Variants in ASIC2 observed in about 807,000 individuals in gnomAD.
The protein encoded by ASIC2 is acid sensing ion channel subunit 2.
A neutral mutation model predicts 57.3 loss-of-function variants in ASIC2; 25 were observed. The ratio of observed to expected loss-of-function variants is 0.44; its 90% CI spans 0.32 to 0.61. ASIC2 has a LOEUF of 0.61. Ranked by LOEUF, ASIC2 falls within the 20% of genes least tolerant of loss-of-function variation. ASIC2 has a pLI of 0.06. For missense variants in ASIC2, 641 were observed against 738.1 expected (o/e 0.87, Z 1.52); for synonymous variants, 319 against 307.5 (o/e 1.04, Z -0.39).
intron 3 of ASIC2, among the ~76,000 whole-genome samples, chr17:33,035,589 C>T (rs902791976): frequency 6.6e-6 from 1 of 152,188 alleles, no homozygotes; most frequent in Non-Finnish European, 1.5e-5. Flanking sequence ...GGTTTAGCCC[C>T]TGGTCTTGGG....
At chr17:33,125,091 C>T (rs1368115647) in intron 1 of ASIC2, among the ~76,000 whole-genome samples, 1 of 152,214 alleles carries the variant, frequency 6.6e-6, no homozygotes, top group Non-Finnish European at 1.5e-5. Flanking sequence ...CCGCTGACCT[C>T]CTGCTCTGTG....
intron 1 of ASIC2, among the ~76,000 whole-genome samples, chr17:33,268,733 C>G (rs1909574942): frequency 6.6e-6 from 1 of 152,152 alleles, no homozygotes; most frequent in South Asian, 2.1e-4. Context: ...AGACATCTGC[C>G]TCATTTCCCC....
chr17:33,709,433 C>G (rs1230704857), intron 1 of ASIC2, among the ~76,000 whole-genome samples: 1 of 152,182 alleles, frequency 6.6e-6, no homozygotes, highest in Admixed American at 6.5e-5. Flanking sequence ...TCACAGGTGG[C>G]CTTTCTAAGA....
At chr17:33,618,500 C>T (rs546331022) in intron 1 of ASIC2, among the ~76,000 whole-genome samples, 4 of 152,282 alleles carry the variant, frequency 2.6e-5, no homozygotes, top group Non-Finnish European at 5.9e-5. Context: ...GGAAAGAAAT[C>T]AATAATTACA....
At chr17:33,533,942 G>C (rs1915141799) in intron 1 of ASIC2, among the ~76,000 whole-genome samples, 1 of 152,138 alleles carries the variant, frequency 6.6e-6, no homozygotes, top group Non-Finnish European at 1.5e-5. Context: ...TAAACCAGCT[G>C]TTCCCCAAAA....
At chr17:34,109,950 G>A (rs1315786015) in intron 1 of ASIC2, among the ~76,000 whole-genome samples, 1 of 152,030 alleles carries the variant, frequency 6.6e-6, no homozygotes, top group Admixed American at 6.5e-5. Flanking sequence ...GTGTTTGTGT[G>A]TGTGTGAGAG....
At chr17:33,384,934 C>A (rs1314178807) in intron 1 of ASIC2, among the ~76,000 whole-genome samples, 2 of 152,164 alleles carry the variant, frequency 1.3e-5, no homozygotes, top group Admixed American at 1.3e-4. Flanking sequence ...TGAAGCCCAT[C>A]CCCCATAATG....
chr17:33,631,322 ATTTTTTT>A (rs113222295), intron 1 of ASIC2, among the ~76,000 whole-genome samples: 1 of 134,526 alleles, frequency 7.4e-6, no homozygotes, highest in Non-Finnish European at 1.6e-5. Context: ...GCTTTTAGTG[ATTTTTTT>A]TTTTTTTTTT....
chr17:33,970,121 T>G (rs1905186257), intron 1 of ASIC2, among the ~76,000 whole-genome samples: 1 of 152,170 alleles, frequency 6.6e-6, no homozygotes. Context: ...TTCTTTGTTG[T>G]AGGGAGCTGC....
At chr17:33,476,813 G>A (rs1012301080) in intron 1 of ASIC2, among the ~76,000 whole-genome samples, 3 of 151,960 alleles carry the variant, frequency 2.0e-5, no homozygotes, top group Non-Finnish European at 2.9e-5. Flanking sequence ...TAAGAGATGC[G>A]ACCTCTCATG....
chr17:33,331,308 A>G (rs985178723), intron 1 of ASIC2, among the ~76,000 whole-genome samples: 23 of 152,160 alleles, frequency 1.5e-4, no homozygotes, highest in Admixed American at 1.3e-3. Flanking sequence ...GGACAACACT[A>G]CTAAAGTAGA....
chr17:33,277,921 T>C (rs1265442023), intron 1 of ASIC2, among the ~76,000 whole-genome samples: 1 of 152,198 alleles, frequency 6.6e-6, no homozygotes, highest in Non-Finnish European at 1.5e-5. Context: ...GGCAGCCACA[T>C]CTTGGAAGGA....
At chr17:33,579,601 C>CGGGA (rs1014677483) in intron 1 of ASIC2, among the ~76,000 whole-genome samples, 30 of 151,764 alleles carry the variant, frequency 2.0e-4, no homozygotes, top group African/African-American at 6.8e-4. Context: ...GATGGTGTGT[C>CGGGA]GGGAGTTTGT....
At chr17:33,131,594 G>A (rs1021196043) in intron 1 of ASIC2, 1 of 152,272 alleles carries the variant, frequency 6.6e-6, no homozygotes, top group Non-Finnish European at 1.5e-5. Flanking sequence ...CACCAAGGGT[G>A]TCTAACAGCT....
intron 1 of ASIC2, among the ~76,000 whole-genome samples, chr17:33,599,303 C>T (rs1905066992): frequency 6.6e-6 from 1 of 152,094 alleles, no homozygotes; most frequent in African/African-American, 2.4e-5. Context: ...AACACACAAC[C>T]CTGAAGGTTG....
At chr17:33,565,131 G>A (rs1401184636) in intron 1 of ASIC2, among the ~76,000 whole-genome samples, 2 of 152,108 alleles carry the variant, frequency 1.3e-5, no homozygotes, top group African/African-American at 4.8e-5. Context: ...GGGTCTCCCC[G>A]ACTGAGTTGG....
chr17:33,366,382 A>G (rs1334934618), intron 1 of ASIC2, among the ~76,000 whole-genome samples: 2 of 152,074 alleles, frequency 1.3e-5, no homozygotes, highest in South Asian at 2.1e-4. Context: ...CACTCTCTCT[A>G]GATGCTCTCA....
intron 1 of ASIC2, among the ~76,000 whole-genome samples, chr17:33,670,479 A>C (rs1907607537): frequency 6.6e-6 from 1 of 152,258 alleles, no homozygotes; most frequent in Non-Finnish European, 1.5e-5. Context: ...CAAACAAACA[A>C]AAATGAAACA....
chr17:33,958,591 C>G (rs1239661973), intron 1 of ASIC2, among the ~76,000 whole-genome samples: 1 of 152,150 alleles, frequency 6.6e-6, no homozygotes, highest in African/African-American at 2.4e-5. Context: ...GGAGCTGAAG[C>G]AGCTGGTATG....
Sources: allele counts gnomAD v4.1 joint callset (sites outside exome capture counted in the v4.1 genomes callset), GRCh38; gene constraint gnomAD v4.1.1; transcripts MANE v1.5; gene names NCBI Gene and HGNC (gene_info 2026-07-23, HGNC 2026-07-21).